HYDIN: variants seen among roughly 807,000 people sequenced by gnomAD.
HYDIN encodes the protein axonemal central pair apparatus protein HYDIN.
A neutral mutation model predicts 403.9 loss-of-function variants in HYDIN; 132 were observed. The observed-to-expected ratio is 0.33, with a 90% confidence interval of 0.28 to 0.38. The LOEUF (loss-of-function observed/expected upper bound fraction) is 0.38. Ranked by LOEUF, HYDIN falls within the 10% of genes least tolerant of loss-of-function variation. The pLI is 1.00. For synonymous variants in HYDIN, 1,202 were observed against 1,891.7 expected, an observed-to-expected ratio of 0.64 and a Z score of 9.46; for missense variants, 2,827 against 5,009.5, an observed-to-expected ratio of 0.56 and a Z score of 13.15.
chr16:71,015,290 C>T lies in HYDIN; in HGVS notation c.3644+2839G>A, dbSNP rs530909950. On this transcript the variant is annotated intron_variant, in intron 23 of 85. Coordinates refer to ENST00000393567, the MANE Select transcript of HYDIN (RefSeq NM_001270974.2). ...GGAAGATGCCGAAGAAAGAGAAAAA[C>T]GGTTAAATAAATGCTTAAACCAATG... Among the ~76,000 whole-genome samples, 151 of 152,016 alleles carry T rather than the reference C, an allele frequency of 9.9e-4. No individual in the cohort carries two copies. In the East Asian group the frequency reaches 0.019, roughly 19 times the overall value.
At chr16:70,834,843 G>A (rs1292362990) in intron 78 of HYDIN, among the ~76,000 whole-genome samples, 5 of 149,072 alleles carry the variant, frequency 3.4e-5, no homozygotes, top group African/African-American at 9.9e-5. Context: ...GTGAGACTCC[G>A]ACTCAAAAAA....
intron 65 of HYDIN, among the ~76,000 whole-genome samples, chr16:70,870,192 CAG>C (rs1340922083): frequency 1.1e-4 from 16 of 149,732 alleles, no homozygotes; most frequent in African/African-American, 3.7e-4. Context: ...AAAAGGGAAA[CAG>C]AGCATAAAAG....
intron 41 of HYDIN, among the ~76,000 whole-genome samples, chr16:70,944,906 C>T (rs1159501982): frequency 6.6e-6 from 1 of 152,182 alleles, no homozygotes; most frequent in Non-Finnish European, 1.5e-5. Context: ...GTGTGCACCA[C>T]CATGCCTTGT....
At chr16:71,020,143 A>G (rs1412680216) in intron 22 of HYDIN, 31 bp downstream of exon 22, 4 of 1,610,200 alleles carry the variant, frequency 2.5e-6, no homozygotes, top group Non-Finnish European at 3.4e-6. Flanking sequence ...CACCCCAGAC[A>G]GCTTGCCAGA....
chr16:71,037,064 C>A (rs2081113271), intron 18 of HYDIN, among the ~76,000 whole-genome samples: 1 of 151,092 alleles, frequency 6.6e-6, no homozygotes, highest in Admixed American at 6.6e-5. Flanking sequence ...GGGTTTGAGT[C>A]CCTGCTCTGC....
intron 18 of HYDIN, among the ~76,000 whole-genome samples, chr16:71,051,835 C>A (rs1343318007): frequency 1.3e-5 from 2 of 152,010 alleles, no homozygotes; most frequent in African/African-American, 4.8e-5. Context: ...TAAAAGTCTA[C>A]GAACAGAATT....
At chr16:70,834,989 TATAC>T (rs1567678051) in intron 78 of HYDIN, among the ~76,000 whole-genome samples, 2 of 144,392 alleles carry the variant, frequency 1.4e-5, no homozygotes, top group African/African-American at 5.4e-5. Flanking sequence ...TATATATATA[TATAC>T]ACACATATAT....
chr16:70,949,446 C>T (rs1470912556), intron 41 of HYDIN, among the ~76,000 whole-genome samples: 2 of 151,802 alleles, frequency 1.3e-5, no homozygotes, highest in Non-Finnish European at 2.9e-5. Flanking sequence ...TACCCTAAAA[C>T]TTAAAGTATA....
intron 1 of HYDIN, among the ~76,000 whole-genome samples, chr16:71,205,605 C>CA (rs1156422157): frequency 2.6e-5 from 4 of 152,354 alleles, no homozygotes; most frequent in Admixed American, 1.3e-4. Context: ...GGAGCACCAA[C>CA]ATTGTTCTGC....
chr16:70,859,863 A>C (rs1436738470), intron 71 of HYDIN, among the ~76,000 whole-genome samples: 2 of 152,078 alleles, frequency 1.3e-5, no homozygotes. Context: ...CTGCTTCTCC[A>C]TGGCTAGCCA....
rs370266117 is a variant in HYDIN at position 70,879,586 on chromosome 16, G to A, written c.10367+19C>T. 3.4e-5 allele frequency: 55 copies of A among 1,612,988 alleles called. No homozygotes were observed. Among genetic ancestry groups the A allele is most frequent in the Non-Finnish European group, 2.7e-5 (32 of 1,179,824 alleles). On this transcript the variant is annotated intron_variant, in intron 61 of 85. Transcript: ENST00000393567. ...CAGTCCTGCTGCAGGAGAGGGAGCT[G>A]GGAGCTGGGAGTTGGTACCTGGGCA...
intron 18 of HYDIN, among the ~76,000 whole-genome samples, chr16:71,035,900 T>C (rs1046251548): frequency 2.6e-5 from 4 of 152,034 alleles, no homozygotes; most frequent in Non-Finnish European, 5.9e-5. Context: ...TAGGATTTTA[T>C]GCACCATGCC....
intron 18 of HYDIN, among the ~76,000 whole-genome samples, chr16:71,035,979 G>A (rs886515): frequency 0.4 from 56,400 of 140,422 alleles, 11,733 homozygotes; most frequent in Non-Finnish European, 0.46. Context: ...CCTAACCCCA[G>A]TGGAGGTTAG....
chr16:70,900,387 G>A (rs1472659044), intron 53 of HYDIN, among the ~76,000 whole-genome samples: 1 of 151,372 alleles, frequency 6.6e-6, no homozygotes, highest in African/African-American at 2.4e-5. Flanking sequence ...TGAGGCAGGA[G>A]AATTGCTTGA....
chr16:71,039,174 C>T (rs2081200462), intron 18 of HYDIN, among the ~76,000 whole-genome samples: 1 of 151,640 alleles, frequency 6.6e-6, no homozygotes, highest in African/African-American at 2.4e-5. Context: ...AGTGACCTTG[C>T]ACTAATTTTA....
intron 1 of HYDIN, among the ~76,000 whole-genome samples, chr16:71,217,442 A>G (rs1302108242): frequency 2.0e-5 from 3 of 152,204 alleles, no homozygotes; most frequent in African/African-American, 7.2e-5. Context: ...ACTTTGCCCA[A>G]GTAGAAATAC....
In HYDIN at chr16:70,882,789, G is replaced by A. The variant is rs201106783; in HGVS notation, c.10086C>T (p.Val3362=). ...LQTIESGGLF[V]EDENKFIFCN... ...AGAAGATGAACTTGTTCTCATCCTCGACGAACAGCCCCCCGCTCTCTATGG... is the reference window on the plus strand; with the variant it reads ...AGAAGATGAACTTGTTCTCATCCTCAACGAACAGCCCCCCGCTCTCTATGG... The change falls in exon 60 of 86, where the codon GTC becomes GTT. Residue 3362 remains valine (V), a synonymous_variant. Transcript: ENST00000393567. 830 of 1,495,814 alleles carry A rather than the reference G, an allele frequency of 5.5e-4. 4 individuals carry two copies. Among genetic ancestry groups the A allele is most frequent in the Middle Eastern group, 1.9e-3 (11 of 5,830 alleles). The allele number at this position is 1,495,814 out of a possible 1,614,324, so 92.7% of individuals were successfully genotyped here.
At chr16:70,981,068 AG>A (rs1344593162) in intron 29 of HYDIN, among the ~76,000 whole-genome samples, 1 of 151,880 alleles carries the variant, frequency 6.6e-6, no homozygotes, top group African/African-American at 2.4e-5. Context: ...AGAATGTCAC[AG>A]GGAAAGGACA....
chr16:70,883,225 A>G (rs1326502687), intron 59 of HYDIN, among the ~76,000 whole-genome samples: 1 of 150,948 alleles, frequency 6.6e-6, no homozygotes, highest in Non-Finnish European at 1.5e-5. Context: ...TTCTCTTTGC[A>G]CCTCATCTGC....
Sources: gnomAD v4.1 joint callset for allele counts (sites outside exome capture counted in the v4.1 genomes callset) on GRCh38, gnomAD v4.1.1 for gene constraint, MANE v1.5 for transcripts, NCBI Gene and HGNC (gene_info 2026-07-23, HGNC 2026-07-21) for gene names.